Variants in USP33 observed in about 807,000 individuals in gnomAD.
USP33 encodes ubiquitin carboxyl-terminal hydrolase 33.
Under a neutral mutation model 124.2 loss-of-function variants are expected in USP33, and 46 were observed. The observed-to-expected ratio is 0.37, with a 90% CI of 0.29 to 0.47. The LOEUF is 0.47. USP33 is among the 20% of genes least tolerant of loss of function. The pLI is 0.99. For missense variants in USP33, 851 were observed against 1,070.6 expected, an observed-to-expected ratio of 0.79 and a Z score of 2.86; for synonymous variants, 350 against 352.3, an observed-to-expected ratio of 0.99 and a Z score of 0.07.
rs1673500975 is a variant in USP33 at position 77,697,210 on chromosome 1, T to C, written c.*107A>G. The C allele has an allele frequency of 6.4e-6, 7 of 1,089,614 alleles. No individual in the cohort carries two copies. Among genetic ancestry groups the C allele is most frequent in the Admixed American group, 5.4e-5 (2 of 36,960 alleles). 67.5% of individuals were successfully genotyped at this position (1,089,614 alleles called of 1,614,324 possible). On this transcript the variant is annotated 3_prime_UTR_variant, in exon 24 of 24. Coordinates refer to ENST00000370794, the MANE Select transcript of USP33 (RefSeq NM_201624.3). The stretch of plus-strand genomic sequence containing the variant: ...AAGAAGAAATAAATGGGATAAATGA[T>C]GAAAAAAAATAAAGCAAATAAACAC...
chr1:77,709,382 G>A (rs1218978391), intron 21 of USP33, among the ~76,000 whole-genome samples: 1 of 152,002 alleles, frequency 6.6e-6, no homozygotes, highest in Non-Finnish European at 1.5e-5. Flanking sequence ...ACACATGGTG[G>A]TGTGCATCTG....
At chr1:77,740,369 T>C (rs938848698) in intron 4 of USP33, among the ~76,000 whole-genome samples, 1 of 152,076 alleles carries the variant, frequency 6.6e-6, no homozygotes, top group African/African-American at 2.4e-5. Context: ...TTTTTTTTTT[T>C]TGAGATGGAG....
intron 6 of USP33, among the ~76,000 whole-genome samples, chr1:77,735,118 A>C (rs1405900616): frequency 8.0e-6 from 1 of 125,438 alleles, no homozygotes; most frequent in Non-Finnish European, 1.6e-5. Context: ...GCGAGACTCC[A>C]TCTCAAAAAA....
At chr1:77,726,042 T>C (rs1968027) in intron 10 of USP33, among the ~76,000 whole-genome samples, 128,361 of 152,168 alleles carry the variant, frequency 0.84, 54,731 homozygotes, top group African/African-American at 0.96. Context: ...CTCCGCATCC[T>C]GGATTCAAGC....
intron 7 of USP33, 61 bp from the exon 8 acceptor site, chr1:77,730,792 T>A (rs1570804768): frequency 8.8e-7 from 1 of 1,138,148 alleles, no homozygotes; most frequent in East Asian, 2.6e-5. Flanking sequence ...TTATTTCTAG[T>A]CATTCAATTA....
At chr1:77,734,489 T>C (rs1465032804) in intron 6 of USP33, 73 bp from the exon 7 acceptor site, 12 of 898,520 alleles carry the variant, frequency 1.3e-5, no homozygotes, top group Non-Finnish European at 1.9e-5. Flanking sequence ...GTCATTAATA[T>C]GGTTCCCAAA....
rs140754206 is a variant in USP33, at chr1:77,753,430, CA to C, written c.-52+6212del. Among the ~76,000 whole-genome samples, 14 of 136,900 alleles carry C rather than the reference CA, an allele frequency of 1.0e-4. 1 individual carries two copies. The South Asian group carries it at 1.6e-3, about 15-fold the overall frequency. The allele number at this position is 136,900 out of a possible 152,430, so 89.8% of individuals were successfully genotyped here. A position where few individuals can be genotyped will look rare whatever the true frequency, so the allele number is the denominator to read the frequency against. ...GAGTGATACCCACCCCCCATCTTTA[CA>C]AAAAAAAAATAATAATTTTTTAATT... On this transcript the variant is annotated intron_variant, in intron 1 of 23. Coordinates refer to ENST00000370794, the MANE Select transcript of USP33 (RefSeq NM_201624.3).
intron 5 of USP33, among the ~76,000 whole-genome samples, chr1:77,737,172 C>T (rs1020072700): frequency 6.6e-6 from 1 of 151,994 alleles, no homozygotes; most frequent in Non-Finnish European, 1.5e-5. Context: ...TCAGCAACAC[C>T]CAAACAGAGA....
At chr1:77,712,482 C>T (rs1675370559) in intron 20 of USP33, among the ~76,000 whole-genome samples, 1 of 152,104 alleles carries the variant, frequency 6.6e-6, no homozygotes, top group African/African-American at 2.4e-5. Flanking sequence ...GAGATTGCAC[C>T]ACTGCACTCC....
chr1:77,720,041 T>C (rs947853908), intron 15 of USP33, among the ~76,000 whole-genome samples: 1 of 151,662 alleles, frequency 6.6e-6, no homozygotes, highest in African/African-American at 2.4e-5. Context: ...GCATCTGTAG[T>C]CCCAGCTACT....
chr1:77,729,993 T>A, intron 8 of USP33, 55 bp from the exon 9 acceptor site: 1 of 1,466,554 alleles, frequency 6.8e-7, no homozygotes, highest in Admixed American at 2.0e-5. Flanking sequence ...ATTTTCATTT[T>A]AAAAATTAAC....
At position 77,697,319 on chromosome 1, in the gene USP33, A is replaced by C; in HGVS notation, c.2734T>G (p.Ter912GluextTer8). The C allele has an allele frequency of 6.3e-7, 1 of 1,597,210 alleles. No homozygotes were observed. Among genetic ancestry groups the C allele is most frequent in the Non-Finnish European group, 8.5e-7 (1 of 1,174,464 alleles). The change falls in exon 24 of 24, where the codon TAA becomes GAA. Residue 912 changes from the stop codon to glutamate (E), a stop_lost. Transcript: ENST00000370794. ...TAGAACTCTCTACATCCTAAAAATT[A>C]CAAAGACCGAGTTTCTACTTCAATT... ...EKIEVETRSL[*>E]
chr1:77,713,347 A>AT (rs71075758), intron 19 of USP33, 66 bp from the exon 20 acceptor site: 3,081 of 1,218,044 alleles, frequency 2.5e-3, no homozygotes, highest in East Asian at 5.3e-3. Flanking sequence ...CATTAAACTC[A>AT]TTTTTTTTTT....
chr1:77,722,222 T>C, intron 12 of USP33, 26 bp from the exon 13 acceptor site: 1 of 1,596,264 alleles, frequency 6.3e-7, no homozygotes, highest in South Asian at 1.1e-5. Context: ...GTTTTAAAAA[T>C]GGGATGAACA....
rs1403507846 is a variant in USP33, at chr1:77,718,862, G to A, written c.1692-221C>T. The A allele has an allele frequency of 4.3e-5, 18 of 420,556 alleles. No homozygotes were observed. In the East Asian group the frequency reaches 7.0e-4, roughly 16 times the overall value. 26.1% of individuals were successfully genotyped at this position (420,556 alleles called of 1,614,324 possible). A position where few individuals can be genotyped will look rare whatever the true frequency, so the allele number is the denominator to read the frequency against. ...GAGAATCACTTGAACCCGGGACACG[G>A]AGTTTGCAGAGAGCCAAGATCGCAC... On this transcript the variant is annotated intron_variant, in intron 15 of 23. Coordinates refer to ENST00000370794, the MANE Select transcript of USP33 (RefSeq NM_201624.3).
intron 1 of USP33, among the ~76,000 whole-genome samples, chr1:77,753,924 T>C (rs1014392855): frequency 3.9e-5 from 6 of 152,048 alleles, no homozygotes; most frequent in Admixed American, 3.9e-4. Flanking sequence ...CATTACGAAC[T>C]GAAAGCATGG....
intron 1 of USP33, chr1:77,759,303 G>A (rs1209645160): frequency 2.9e-5 from 9 of 309,436 alleles, no homozygotes; most frequent in African/African-American, 1.7e-4. Context: ...AAGCCTGAGT[G>A]GGGAGACCGA....
chr1:77,746,001 A>C (rs1679706913), intron 1 of USP33, among the ~76,000 whole-genome samples: 1 of 152,218 alleles, frequency 6.6e-6, no homozygotes, highest in Non-Finnish European at 1.5e-5. Flanking sequence ...CACAGTCAGA[A>C]GCTAGCAGAA....
At chr1:77,702,679 A>T (rs1309925296) in intron 21 of USP33, among the ~76,000 whole-genome samples, 1 of 152,160 alleles carries the variant, frequency 6.6e-6, no homozygotes, top group Non-Finnish European at 1.5e-5. Flanking sequence ...TCCAATGTCA[A>T]TTCAGGTAGA....
Sources: allele counts gnomAD v4.1 joint callset (sites outside exome capture counted in the v4.1 genomes callset), GRCh38; gene constraint gnomAD v4.1.1; transcripts MANE v1.5; gene names NCBI Gene and HGNC (gene_info 2026-07-23, HGNC 2026-07-21).